COL4A4: variants seen among roughly 807,000 people sequenced by gnomAD.
COL4A4 encodes the protein collagen type IV alpha 4 chain, also known as collagen alpha-4(IV) chain.
Under a neutral mutation model 192.9 loss-of-function variants are expected in COL4A4, and 105 were observed. The ratio of observed to expected loss-of-function variants is 0.54; its 90% CI spans 0.46 to 0.64. The LOEUF is 0.64. COL4A4 is among the 30% of genes least tolerant of loss of function. The pLI is 0.00. For synonymous variants in COL4A4, 762 were observed against 769.9 expected, an observed-to-expected ratio of 0.99 and a Z score of 0.17; for missense variants, 1,967 against 2,169.3, an observed-to-expected ratio of 0.91 and a Z score of 1.85.
At chr2:227,140,349 A>C (rs2063118879) in intron 3 of COL4A4, 111 bp from the exon 4 acceptor site, 1 of 837,204 alleles carries the variant, frequency 1.2e-6, no homozygotes, top group South Asian at 1.4e-5. Context: ...CATGAGAAGA[A>C]AAGACTAATC....
chr2:227,043,169 G>GATGCTCCAAA lies in COL4A4; in HGVS notation c.3295_3304dup (p.Ser1102PhefsTer36). ...AATACCAGGCAAGCCCTGCTCTCCGGATGCTCCAAAATGCCCTAAAGAAGG... is the reference window on the plus strand; with the variant it reads ...AATACCAGGCAAGCCCTGCTCTCCGGATGCTCCAAAATGCTCCAAAATGCCCTAAAGAAGG... On this transcript the variant is annotated frameshift_variant, in exon 36 of 48. Coordinates refer to ENST00000396625, the MANE Select transcript of COL4A4 (RefSeq NM_000092.5). LOFTEE classifies it high-confidence loss of function. The GATGCTCCAAA allele has an allele frequency of 6.2e-7, 1 of 1,614,108 alleles. No individual in the cohort carries two copies.
the COL4A4 span, chr2:226,988,835 G>T: frequency 2.5e-6 from 1 of 406,026 alleles, no homozygotes; most frequent in Non-Finnish European, 3.3e-6. Context: ...GACTTTTGCA[G>T]CTAGACCTAT....
chr2:227,050,749 C>T (rs374137396), intron 33 of COL4A4, among the ~76,000 whole-genome samples: 8 of 152,090 alleles, frequency 5.3e-5, no homozygotes, highest in Admixed American at 2.6e-4. Flanking sequence ...TGGGAGATAG[C>T]GATTATATGA....
chr2:227,117,558 C>T (rs2061555907), intron 7 of COL4A4, among the ~76,000 whole-genome samples: 1 of 151,350 alleles, frequency 6.6e-6, no homozygotes, highest in Non-Finnish European at 1.5e-5. Flanking sequence ...TGAGTGACAG[C>T]AGAATGAATG....
chr2:227,126,442 ACT>A (rs1298575422), intron 4 of COL4A4, among the ~76,000 whole-genome samples: 1 of 152,216 alleles, frequency 6.6e-6, no homozygotes, highest in Admixed American at 6.5e-5. Context: ...ATGAGCAATG[ACT>A]CTGAATAACA....
At chr2:227,001,335 C>T (rs181189517), downstream of COL4A4, among the ~76,000 whole-genome samples, 15 of 152,110 alleles carry the variant, frequency 9.9e-5, no homozygotes, top group South Asian at 4.2e-4. Context: ...CCTCATGATC[C>T]GCCCACCTTG....
chr2:227,010,076 A>G (rs1963289623), intron 46 of COL4A4, among the ~76,000 whole-genome samples: 1 of 151,156 alleles, frequency 6.6e-6, no homozygotes, highest in Non-Finnish European at 1.5e-5. Context: ...TAGCCAGATA[A>G]TAATAATATA....
rs566807532 is a variant in COL4A4 at position 227,065,511 on chromosome 2, C to G, written c.1988-2913G>C. ...AGCTTTGAAGAGAGCAGTGGTTCTC[C>G]CAGCACACAGCTGGAGATCTGAGAA... is the stretch of plus-strand genomic sequence containing the variant. On this transcript the variant is annotated intron_variant, in intron 25 of 47. Transcript: ENST00000396625. 8.3e-4 allele frequency among the ~76,000 whole-genome samples: 127 copies of G among 152,246 alleles called. 1 individual carries two copies. The highest frequency in any genetic ancestry group is 2.9e-3 in the African/African-American group (122 of 41,556).
chr2:227,122,397 T>C (rs2061846604), intron 4 of COL4A4, among the ~76,000 whole-genome samples: 1 of 152,252 alleles, frequency 6.6e-6, no homozygotes, highest in African/African-American at 2.4e-5. Context: ...CATGGATGAC[T>C]GCATTAAATA....
At position 227,004,597 on chromosome 2, in the gene COL4A4, T is replaced by G. The variant is rs1337859423; in HGVS notation, c.*2728A>C. ...GAGATGCCTACTGCAAGGGTGGAGG[T>G]GGAAAACAAAGGCTGTGTGAGACGG... On this transcript the variant is annotated 3_prime_UTR_variant, in exon 48 of 48. Transcript: ENST00000396625. The G allele has an allele frequency of 2.0e-5, 3 of 151,438 alleles. No homozygotes were observed. The highest frequency in any genetic ancestry group is 2.4e-5 in the African/African-American group (1 of 41,124). The allele number at this position is 151,438 out of a possible 1,614,324, so 9.4% of individuals were successfully genotyped here.
rs769852703 is a variant in COL4A4 at position 227,108,818 on chromosome 2, C to T, written c.693+15G>A. ...TTCAGGGCTCTATTGATGTATCTTG[C>T]TCATGACTGCCTACCTTCAAACCTG... is the stretch of plus-strand genomic sequence containing the variant. On this transcript the variant is annotated intron_variant, in intron 11 of 47. Coordinates refer to ENST00000396625, the MANE Select transcript of COL4A4 (RefSeq NM_000092.5). 3.1e-6 allele frequency: 5 copies of T among 1,610,760 alleles called. No homozygotes were observed. Among genetic ancestry groups the T allele is most frequent in the Admixed American group, 1.7e-5 (1 of 59,842 alleles).
chr2:227,020,772 A>G (rs948440394), intron 44 of COL4A4, among the ~76,000 whole-genome samples: 5 of 152,158 alleles, frequency 3.3e-5, no homozygotes, highest in South Asian at 2.1e-4. Context: ...TCTAAAGAGA[A>G]CAGTGACTTC....
At chr2:227,106,222 C>T (rs565807799) in intron 12 of COL4A4, among the ~76,000 whole-genome samples, 2 of 152,106 alleles carry the variant, frequency 1.3e-5, no homozygotes, top group East Asian at 3.9e-4. Context: ...TGAACAAGCA[C>T]ATTAACAAAA....
chr2:227,130,549 T>A (rs2062384952), intron 4 of COL4A4, among the ~76,000 whole-genome samples: 1 of 152,166 alleles, frequency 6.6e-6, no homozygotes, highest in African/African-American at 2.4e-5. Flanking sequence ...TGTGGCCCCC[T>A]CTTCCTCCTG....
chr2:227,111,048 T>C (rs1293324487), intron 9 of COL4A4, among the ~76,000 whole-genome samples: 3 of 152,226 alleles, frequency 2.0e-5, no homozygotes, highest in African/African-American at 7.2e-5. Flanking sequence ...AATCATTGAA[T>C]TGCTGGTCTG....
At chr2:227,163,913 C>T (rs2065069132) in intron 1 of COL4A4, 94 bp downstream of exon 1, 1 of 152,608 alleles carries the variant, frequency 6.6e-6, no homozygotes, top group Non-Finnish European at 1.5e-5. Context: ...CTGGGCCCGC[C>T]ACCACCCCTT....
chr2:227,071,526 A>G (rs997903191), intron 25 of COL4A4, among the ~76,000 whole-genome samples: 3 of 151,740 alleles, frequency 2.0e-5, no homozygotes, highest in Non-Finnish European at 4.4e-5. Flanking sequence ...CAATGGATGT[A>G]AGTGACACAC....
intron 38 of COL4A4, among the ~76,000 whole-genome samples, chr2:227,032,615 A>G (rs2149985430): frequency 6.6e-6 from 1 of 152,378 alleles, no homozygotes; most frequent in African/African-American, 2.4e-5. Flanking sequence ...TTTGAGGTGG[A>G]AACTGGCATG....
intron 8 of COL4A4, among the ~76,000 whole-genome samples, chr2:227,112,433 T>C (rs1485393139): frequency 6.6e-6 from 1 of 152,116 alleles, no homozygotes; most frequent in Non-Finnish European, 1.5e-5. Context: ...CATGCCCAGC[T>C]AATTTTTTTG....
Sources: allele counts gnomAD v4.1 joint callset (sites outside exome capture counted in the v4.1 genomes callset), GRCh38; gene constraint gnomAD v4.1.1; transcripts MANE v1.5; gene names NCBI Gene and HGNC (gene_info 2026-07-23, HGNC 2026-07-21).